The following AGBL1 variants were observed in gnomAD, a reference collection of about 807,000 sequenced individuals.
The protein encoded by AGBL1 is cytosolic carboxypeptidase 4.
A neutral mutation model predicts 118.9 loss-of-function variants in AGBL1; 130 were observed. The ratio of observed to expected loss-of-function variants is 1.09; its 90% CI spans 0.95 to 1.26. AGBL1 has a LOEUF of 1.26. Among genes scored for constraint, AGBL1 ranks in the 50% most tolerant of loss-of-function variants. AGBL1 has a pLI of 0.00. For synonymous variants in AGBL1, 555 were observed against 478.9 expected (o/e 1.16, Z -2.08); for missense variants, 1,584 against 1,298.1 (o/e 1.22, Z -3.38).
intron 17 of AGBL1, among the ~76,000 whole-genome samples, chr15:86,360,140 G>C (rs186561616): frequency 6.6e-6 from 1 of 151,900 alleles, no homozygotes; most frequent in African/African-American, 2.4e-5. Flanking sequence ...GAACACTTTT[G>C]GCTTTCCCTA....
chr15:86,570,369 G>A (rs966653485), intron 21 of AGBL1, among the ~76,000 whole-genome samples: 1 of 152,128 alleles, frequency 6.6e-6, no homozygotes, highest in Non-Finnish European at 1.5e-5. Context: ...AAAGTGAAAG[G>A]TACACCCTCA....
At chr15:86,418,040 C>G (rs773275280) in intron 18 of AGBL1, among the ~76,000 whole-genome samples, 12 of 152,106 alleles carry the variant, frequency 7.9e-5, no homozygotes, top group Non-Finnish European at 1.6e-4. Context: ...CACACTTATC[C>G]CAGTTTCATC....
intron 23 of AGBL1, among the ~76,000 whole-genome samples, chr15:86,979,835 T>C (rs955600634): frequency 3.3e-5 from 5 of 152,124 alleles, no homozygotes; most frequent in Admixed American, 1.3e-4. Flanking sequence ...TGAAACCATA[T>C]TAGAGTGAAG....
At chr15:86,480,866 G>A (rs2082642067) in intron 18 of AGBL1, among the ~76,000 whole-genome samples, 1 of 152,024 alleles carries the variant, frequency 6.6e-6, no homozygotes, top group Non-Finnish European at 1.5e-5. Context: ...AGGCAATGGT[G>A]AGCATTCTAG....
chr15:86,606,933 T>A (rs530511033), intron 21 of AGBL1, among the ~76,000 whole-genome samples: 1 of 152,180 alleles, frequency 6.6e-6, no homozygotes, highest in South Asian at 2.1e-4. Flanking sequence ...AGAGTCGTTT[T>A]ACTGCCTTAA....
chr15:86,551,205 G>A (rs2083658728), intron 20 of AGBL1, among the ~76,000 whole-genome samples: 1 of 151,760 alleles, frequency 6.6e-6, no homozygotes, highest in African/African-American at 2.4e-5. Flanking sequence ...CAAAGTATAA[G>A]AAAGAACAAA....
intron 18 of AGBL1, among the ~76,000 whole-genome samples, chr15:86,522,174 G>A (rs1348403882): frequency 6.6e-6 from 1 of 152,126 alleles, no homozygotes; most frequent in Non-Finnish European, 1.5e-5. Context: ...ATGATTTTGA[G>A]CTCATTATTG....
intron 1 of AGBL1, among the ~76,000 whole-genome samples, chr15:86,114,518 C>A (rs1380601585): frequency 6.6e-6 from 1 of 152,188 alleles, no homozygotes; most frequent in Non-Finnish European, 1.5e-5. Context: ...AATGCTGACT[C>A]AATATCAATA....
intron 5 of AGBL1, among the ~76,000 whole-genome samples, chr15:86,188,645 C>A (rs944071186): frequency 6.6e-6 from 1 of 152,106 alleles, no homozygotes; most frequent in Non-Finnish European, 1.5e-5. Context: ...AATAAAAGTT[C>A]CTGGTCACTT....
chr15:86,450,256 A>G (rs1449813554), intron 18 of AGBL1, among the ~76,000 whole-genome samples: 1 of 152,138 alleles, frequency 6.6e-6, no homozygotes, highest in Non-Finnish European at 1.5e-5. Context: ...TATCCATTAG[A>G]TTCTCCCAGG....
chr15:86,406,205 T>G (rs1421346884), intron 18 of AGBL1, among the ~76,000 whole-genome samples: 1 of 152,064 alleles, frequency 6.6e-6, no homozygotes, highest in Non-Finnish European at 1.5e-5. Context: ...AGAGTGTGTT[T>G]CTTTCTCAAC....
At chr15:86,277,635 C>CT (rs1297109771) in intron 15 of AGBL1, among the ~76,000 whole-genome samples, 1 of 152,196 alleles carries the variant, frequency 6.6e-6, no homozygotes, top group Non-Finnish European at 1.5e-5. Flanking sequence ...TGTGATGTGA[C>CT]TTTAGTGTAC....
intron 18 of AGBL1, among the ~76,000 whole-genome samples, chr15:86,409,917 GA>G (rs2081586230): frequency 6.6e-6 from 1 of 152,076 alleles, no homozygotes; most frequent in African/African-American, 2.4e-5. Context: ...GGGATGCAGG[GA>G]TAGAGGGAGG....
intron 20 of AGBL1, among the ~76,000 whole-genome samples, chr15:86,549,218 G>C (rs114146431): frequency 0.022 from 3,273 of 152,102 alleles, 58 homozygotes; most frequent in Middle Eastern, 0.075. Flanking sequence ...CTCTAGAGGA[G>C]ACCCAAGAGG....
At chr15:86,576,044 G>A (rs892164542) in intron 21 of AGBL1, among the ~76,000 whole-genome samples, 2 of 152,188 alleles carry the variant, frequency 1.3e-5, no homozygotes, top group East Asian at 3.8e-4. Flanking sequence ...ATAAACAATT[G>A]TCTGAACATT....
At chr15:86,373,848 C>T (rs1280221476) in intron 17 of AGBL1, among the ~76,000 whole-genome samples, 1 of 152,146 alleles carries the variant, frequency 6.6e-6, no homozygotes, top group Non-Finnish European at 1.5e-5. Context: ...TAAAATGAAA[C>T]CTATAAAACC....
chr15:87,002,578 A>G (rs2081451790), intron 24 of AGBL1, among the ~76,000 whole-genome samples: 1 of 152,070 alleles, frequency 6.6e-6, no homozygotes, highest in Non-Finnish European at 1.5e-5. Context: ...CAGTATGGCC[A>G]TTTTCACGAT....
intron 22 of AGBL1, among the ~76,000 whole-genome samples, chr15:86,709,373 AC>A (rs2086513663): frequency 6.6e-6 from 1 of 152,150 alleles, no homozygotes; most frequent in African/African-American, 2.4e-5. Context: ...AGGCAGGGGA[AC>A]AAAAACTCTT....
chr15:86,408,584 C>T (rs890981089), intron 18 of AGBL1, among the ~76,000 whole-genome samples: 3 of 152,120 alleles, frequency 2.0e-5, no homozygotes, highest in Non-Finnish European at 2.9e-5. Context: ...CTATTTTGTA[C>T]TGTTTGAAAC....
Sources: allele counts gnomAD v4.1 joint callset (sites outside exome capture counted in the v4.1 genomes callset), GRCh38; gene constraint gnomAD v4.1.1; transcripts MANE v1.5; gene names NCBI Gene and HGNC (gene_info 2026-07-23, HGNC 2026-07-21).